Variants in FBXL17 observed in about 807,000 individuals in gnomAD.
The protein encoded by FBXL17 is F-box/LRR-repeat protein 17.
Under a neutral mutation model 66.2 loss-of-function variants are expected in FBXL17, and 22 were observed. The ratio of observed to expected loss-of-function variants is 0.33; its 90% CI spans 0.24 to 0.47. The LOEUF (loss-of-function observed/expected upper bound fraction) is 0.47. Ranked by LOEUF, FBXL17 falls within the 20% of genes least tolerant of loss-of-function variation. The probability of loss-of-function intolerance (pLI) is 1.00; values close to 1 mark genes in which losing one functional copy is unlikely to be tolerated. For synonymous variants in FBXL17, 474 were observed against 400.5 expected (o/e 1.18, Z -2.19); for missense variants, 878 against 948.2 (o/e 0.93, Z 0.97).
chr5:108,156,208 TATG>T (rs1751991086), intron 6 of FBXL17, among the ~76,000 whole-genome samples: 1 of 152,124 alleles, frequency 6.6e-6, no homozygotes, highest in African/African-American at 2.4e-5. Context: ...GGTTCATACA[TATG>T]ATAAGAGATC....
chr5:107,963,727 C>T (rs527751126), intron 7 of FBXL17, among the ~76,000 whole-genome samples: 47 of 152,102 alleles, frequency 3.1e-4, no homozygotes, highest in Non-Finnish European at 3.8e-4. Flanking sequence ...CTATAAAATA[C>T]AATAACTGAG....
At chr5:108,066,011 G>A (rs558107250) in intron 6 of FBXL17, among the ~76,000 whole-genome samples, 5 of 152,086 alleles carry the variant, frequency 3.3e-5, no homozygotes, top group Non-Finnish European at 7.4e-5. Context: ...GGGGACTATC[G>A]AAGGTTAGGT....
chr5:107,932,863 T>A (rs1166825586), intron 7 of FBXL17, among the ~76,000 whole-genome samples: 2 of 128,138 alleles, frequency 1.6e-5, no homozygotes, highest in Non-Finnish European at 3.6e-5. Context: ...ACGAGCCAGC[T>A]AAGAAATACA....
intron 4 of FBXL17, among the ~76,000 whole-genome samples, chr5:108,257,092 T>G (rs1218044676): frequency 2.0e-5 from 3 of 152,224 alleles, no homozygotes; most frequent in Admixed American, 6.5e-5. Context: ...GGCTTTATAT[T>G]GGTTACAGAT....
At chr5:108,303,361 A>AAC (rs58495859) in intron 4 of FBXL17, among the ~76,000 whole-genome samples, 7,014 of 141,940 alleles carry the variant, frequency 0.049, 281 homozygotes, top group African/African-American at 0.12. Context: ...CACAGGCATA[A>AAC]ACACACACAC....
rs775870625 is a variant in FBXL17, at chr5:108,186,254, A to G, written c.1615-7T>C. 3.7e-6 allele frequency: 6 copies of G among 1,604,232 alleles called. No individual in the cohort carries two copies. The African/African-American group carries it at 8.0e-5, about 22-fold the overall frequency. ...AGCTGGAAAGGTTTCTTAGCTAATGAGATAAATAAAATGAAAGATGAAAAA... is the reference window on the plus strand; with the variant it reads ...AGCTGGAAAGGTTTCTTAGCTAATGGGATAAATAAAATGAAAGATGAAAAA... On this transcript the variant is annotated splice_region_variant and splice_polypyrimidine_tract_variant and intron_variant, in intron 5 of 8. Coordinates refer to ENST00000542267, the MANE Select transcript of FBXL17 (RefSeq NM_001163315.3).
At chr5:108,294,216 A>G (rs1342044759) in intron 4 of FBXL17, among the ~76,000 whole-genome samples, 2 of 148,096 alleles carry the variant, frequency 1.4e-5, no homozygotes, top group Admixed American at 6.8e-5. Flanking sequence ...AAGATACACT[A>G]TATATATGGT....
At chr5:108,144,063 A>C (rs1751466684) in intron 6 of FBXL17, among the ~76,000 whole-genome samples, 1 of 152,178 alleles carries the variant, frequency 6.6e-6, no homozygotes, top group African/African-American at 2.4e-5. Flanking sequence ...TGGCAGAACA[A>C]AGGAAGGGTG....
intron 6 of FBXL17, among the ~76,000 whole-genome samples, chr5:108,091,158 C>A (rs1459251244): frequency 6.6e-6 from 1 of 152,176 alleles, no homozygotes; most frequent in South Asian, 2.1e-4. Context: ...AATCAAAATT[C>A]TTCTCTACAA....
chr5:108,208,135 A>G (rs890264024), intron 5 of FBXL17, among the ~76,000 whole-genome samples: 1 of 152,108 alleles, frequency 6.6e-6, no homozygotes, highest in African/African-American at 2.4e-5. Flanking sequence ...GTGTCTGCTC[A>G]TATTATTTGC....
At chr5:108,069,178 C>T (rs1748233517) in intron 6 of FBXL17, among the ~76,000 whole-genome samples, 1 of 152,150 alleles carries the variant, frequency 6.6e-6, no homozygotes, top group South Asian at 2.1e-4. Context: ...AGAAAAACTA[C>T]CCAGAGAACA....
At chr5:107,863,165 C>T (rs1042001673) in intron 8 of FBXL17, among the ~76,000 whole-genome samples, 5 of 151,416 alleles carry the variant, frequency 3.3e-5, no homozygotes, top group South Asian at 2.1e-4. Flanking sequence ...AAAACTGATA[C>T]ACATATCGGA....
chr5:108,044,340 A>T lies in FBXL17; in HGVS notation c.1746-23339T>A, dbSNP rs1209620672. Among the ~76,000 whole-genome samples the T allele has an allele frequency of 1.3e-5, 2 of 152,160 alleles. 1 individual carries two copies. Among genetic ancestry groups the T allele is most frequent in the East Asian group, 3.8e-4 (2 of 5,198 alleles). On this transcript the variant is annotated intron_variant, in intron 6 of 8. Transcript: ENST00000542267. ...ATTTTTTTGTAGATACTCTTCATCA[A>T]GTTGAGAAAGTTCCTGTCTGTTTCT...
intron 7 of FBXL17, among the ~76,000 whole-genome samples, chr5:107,985,957 T>C (rs1163695502): frequency 1.3e-5 from 2 of 152,188 alleles, no homozygotes; most frequent in Non-Finnish European, 2.9e-5. Flanking sequence ...TATAGTCTTC[T>C]GTAGACTATT....
intron 7 of FBXL17, among the ~76,000 whole-genome samples, chr5:108,014,076 C>A (rs2112746782): frequency 6.8e-6 from 1 of 147,954 alleles, no homozygotes; most frequent in Non-Finnish European, 1.5e-5. Flanking sequence ...TCTGTATATC[C>A]AAGAGTACTA....
intron 6 of FBXL17, among the ~76,000 whole-genome samples, chr5:108,161,156 A>AG: frequency 7.7e-6 from 1 of 130,122 alleles, no homozygotes; most frequent in Non-Finnish European, 1.7e-5. Context: ...ATTAATCAAC[A>AG]AATAGATACA....
chr5:108,134,256 A>G (rs538281116), intron 6 of FBXL17, among the ~76,000 whole-genome samples: 155 of 152,294 alleles, frequency 1.0e-3, no homozygotes, highest in Admixed American at 3.2e-3. Flanking sequence ...TGAAGCAAAC[A>G]TATGAACATA....
chr5:108,072,793 G>C (rs1020946416), intron 6 of FBXL17, among the ~76,000 whole-genome samples: 7 of 152,126 alleles, frequency 4.6e-5, no homozygotes, highest in African/African-American at 1.7e-4. Context: ...CCTCATTAAC[G>C]CTTTTTCATT....
intron 7 of FBXL17, among the ~76,000 whole-genome samples, chr5:107,905,068 T>C (rs528534488): frequency 1.1e-4 from 16 of 151,940 alleles, no homozygotes; most frequent in Admixed American, 2.6e-4. Context: ...TATATATATA[T>C]ATATATGGAT....
Sources: allele counts gnomAD v4.1 joint callset (sites outside exome capture counted in the v4.1 genomes callset), GRCh38; gene constraint gnomAD v4.1.1; transcripts MANE v1.5; gene names NCBI Gene and HGNC (gene_info 2026-07-23, HGNC 2026-07-21).